Variants in HDAC9 observed in about 807,000 individuals in gnomAD.
HDAC9 encodes histone deacetylase 9.
HDAC9 carries 41 observed loss-of-function variants against 139.4 expected under a neutral mutation model. That is an observed-to-expected ratio of 0.29 (90% CI 0.23 to 0.38). HDAC9 has a LOEUF of 0.38. HDAC9 is among the 10% of genes least tolerant of loss of function. The pLI is 1.00. For missense variants in HDAC9, 1,147 were observed against 1,297.0 expected (o/e 0.88, Z 1.78); for synonymous variants, 517 against 476.2 (o/e 1.09, Z -1.12).
chr7:18,129,193 A>G (rs183008203), intron 1 of HDAC9, among the ~76,000 whole-genome samples: 76 of 152,286 alleles, frequency 5.0e-4, no homozygotes, highest in Admixed American at 1.6e-3. Context: ...AAATGTGAGT[A>G]TAATCCTCAT....
intron 1 of HDAC9, among the ~76,000 whole-genome samples, chr7:18,394,499 G>T (rs1371153427): frequency 6.6e-6 from 1 of 152,110 alleles, no homozygotes; most frequent in Admixed American, 6.6e-5. Flanking sequence ...ATCCCCTGTG[G>T]AGTTCTTAAA....
chr7:18,683,893 A>G (rs1393939094), intron 12 of HDAC9, among the ~76,000 whole-genome samples: 1 of 152,076 alleles, frequency 6.6e-6, no homozygotes, highest in African/African-American at 2.4e-5. Flanking sequence ...ACTCTAAAAT[A>G]AAACTAAGAA....
intron 1 of HDAC9, among the ~76,000 whole-genome samples, chr7:18,155,801 A>G (rs926503273): frequency 6.6e-6 from 1 of 152,204 alleles, no homozygotes; most frequent in African/African-American, 2.4e-5. Context: ...ATAGTCTTGC[A>G]TAGATAACTC....
chr7:18,430,994 C>A (rs1790593187), intron 1 of HDAC9, among the ~76,000 whole-genome samples: 1 of 150,868 alleles, frequency 6.6e-6, no homozygotes, highest in South Asian at 2.1e-4. Context: ...ACTTGCCATG[C>A]CTTGCATTGC....
At chr7:18,980,719 T>TCTTCTTC (rs1784864935) in intron 25 of HDAC9, among the ~76,000 whole-genome samples, 1 of 146,732 alleles carries the variant, frequency 6.8e-6, no homozygotes, top group Non-Finnish European at 1.5e-5. Flanking sequence ...TTCTTCCTCT[T>TCTTCTTC]CTTCTTCCTT....
intron 1 of HDAC9, among the ~76,000 whole-genome samples, chr7:18,394,534 T>A (rs187390618): frequency 6.6e-6 from 1 of 152,278 alleles, no homozygotes; most frequent in Admixed American, 6.5e-5. Context: ...GGACCCTGTT[T>A]TGGAAATTCT....
intron 22 of HDAC9, among the ~76,000 whole-genome samples, chr7:18,918,149 A>C (rs1298093957): frequency 6.6e-6 from 1 of 152,072 alleles, no homozygotes; most frequent in Non-Finnish European, 1.5e-5. Context: ...AAGGGCTAGA[A>C]AAGGCGAACA....
At chr7:18,210,658 A>G (rs1236641937) in intron 2 of HDAC9, among the ~76,000 whole-genome samples, 1 of 152,232 alleles carries the variant, frequency 6.6e-6, no homozygotes, top group Admixed American at 6.5e-5. Flanking sequence ...ACCAAAGCCA[A>G]GTTAATATGG....
intron 1 of HDAC9, among the ~76,000 whole-genome samples, chr7:18,160,705 C>T (rs1787567555): frequency 6.6e-6 from 1 of 152,060 alleles, no homozygotes; most frequent in African/African-American, 2.4e-5. Flanking sequence ...CAACCTCTGC[C>T]TCCCGGGTTC....
intron 24 of HDAC9, among the ~76,000 whole-genome samples, chr7:18,969,871 GC>G (rs1372358876): frequency 1.3e-5 from 2 of 152,124 alleles, no homozygotes; most frequent in Admixed American, 6.5e-5. Flanking sequence ...TAAAATGTTT[GC>G]CAAAGTGGAG....
chr7:18,788,846 G>T (rs1403071345), intron 16 of HDAC9, among the ~76,000 whole-genome samples: 4 of 151,240 alleles, frequency 2.6e-5, no homozygotes, highest in Non-Finnish European at 4.4e-5. Context: ...TCTCTCGTTT[G>T]CTCACATGTC....
At position 18,998,181 on chromosome 7, in the gene HDAC9, A is replaced by G. The variant is rs150924793; in HGVS notation, c.*2119A>G. The G allele has an allele frequency of 4.6e-4, 70 of 152,276 alleles. No homozygotes were observed. The highest frequency in any genetic ancestry group is 1.6e-3 in the African/African-American group (68 of 41,524). 9.4% of individuals were successfully genotyped at this position (152,276 alleles called of 1,614,324 possible). The stretch of plus-strand genomic sequence containing the variant: ...AAATAATTGTGTAGTTTTAAAATCA[A>G]CTTCATAATTATAAATCTCTGTCAT... On this transcript the variant is annotated 3_prime_UTR_variant, in exon 26 of 26. Coordinates refer to ENST00000686413, the MANE Select transcript of HDAC9 (RefSeq NM_178425.4).
intron 11 of HDAC9, among the ~76,000 whole-genome samples, chr7:18,663,351 C>A (rs1368068775): frequency 6.6e-6 from 1 of 151,972 alleles, no homozygotes; most frequent in African/African-American, 2.4e-5. Flanking sequence ...ACAGAAGAGT[C>A]TTTTTACTTG....
At chr7:18,267,191 A>T (rs528683635) in intron 2 of HDAC9, among the ~76,000 whole-genome samples, 1 of 152,214 alleles carries the variant, frequency 6.6e-6, no homozygotes, top group Admixed American at 6.5e-5. Context: ...ATTTTAATTG[A>T]CTTTATAATG....
intron 21 of HDAC9, among the ~76,000 whole-genome samples, chr7:18,861,260 T>C (rs774804631): frequency 6.6e-6 from 1 of 152,220 alleles, no homozygotes; most frequent in East Asian, 1.9e-4. Flanking sequence ...ATTTTAATAT[T>C]AACTCTTAAT....
chr7:18,168,546 A>G (rs147734017), intron 2 of HDAC9, among the ~76,000 whole-genome samples: 186 of 152,156 alleles, frequency 1.2e-3, no homozygotes, highest in African/African-American at 4.4e-3. Flanking sequence ...TACTCTTCAG[A>G]GTACAAAAAC....
intron 2 of HDAC9, among the ~76,000 whole-genome samples, chr7:18,565,625 G>A (rs1374635817): frequency 2.6e-5 from 4 of 151,850 alleles, no homozygotes; most frequent in African/African-American, 9.7e-5. Flanking sequence ...ACAGTGTAGG[G>A]TACTTCTGTA....
intron 3 of HDAC9, among the ~76,000 whole-genome samples, chr7:18,587,677 A>G (rs967071742): frequency 6.6e-6 from 1 of 152,234 alleles, no homozygotes; most frequent in Admixed American, 6.5e-5. Context: ...CCAAGGCTAC[A>G]TAGCCAATAA....
intron 2 of HDAC9, among the ~76,000 whole-genome samples, chr7:18,509,832 T>C (rs1800920987): frequency 6.6e-6 from 1 of 152,182 alleles, no homozygotes; most frequent in African/African-American, 2.4e-5. Flanking sequence ...TGTCTTACAC[T>C]GTGACTGTGT....
Sources: gnomAD v4.1 joint callset for allele counts (sites outside exome capture counted in the v4.1 genomes callset) on GRCh38, gnomAD v4.1.1 for gene constraint, MANE v1.5 for transcripts, NCBI Gene and HGNC (gene_info 2026-07-23, HGNC 2026-07-21) for gene names.